Variants in MED13L observed in about 807,000 individuals in gnomAD.
The protein encoded by MED13L is mediator complex subunit 13L, also known as mediator of RNA polymerase II transcription subunit 13-like.
A neutral mutation model predicts 220.9 loss-of-function variants in MED13L; 7 were observed. The ratio of observed to expected loss-of-function variants is 0.03; its 90% CI spans 0.02 to 0.06. The LOEUF (loss-of-function observed/expected upper bound fraction) is 0.06. Among genes scored for constraint, MED13L ranks in the 10% least tolerant of loss-of-function variants. The probability of loss-of-function intolerance (pLI) is 1.00; values close to 1 mark genes in which losing one functional copy is unlikely to be tolerated. For synonymous variants in MED13L, 1,011 were observed against 1,015.2 expected (o/e 1.00, Z 0.08); for missense variants, 1,965 against 2,760.5 (o/e 0.71, Z 6.46).
intron 2 of MED13L, among the ~76,000 whole-genome samples, chr12:116,133,951 G>A (rs1383320990): frequency 1.3e-5 from 2 of 152,100 alleles, no homozygotes; most frequent in African/African-American, 2.4e-5. Flanking sequence ...AACACCTCCC[G>A]AGGCAATCAG....
Position 116,237,586 on chromosome 12 carries a change from C to G in MED13L, c.192G>C (p.Leu64=), listed in dbSNP as rs752853245. 1 of 1,614,064 alleles carries G rather than the reference C, an allele frequency of 6.2e-7. No individual in the cohort carries two copies. Among genetic ancestry groups the G allele is most frequent in the Admixed American group, 1.7e-5 (1 of 59,998 alleles). ...DPILLSFIRC[L]QANLLCVWRR... ...GCCATACACAAAGCAGGTTAGCTTG[C>G]AGACAGCGGATGAAACTTAACAGAA... Residue 64 remains leucine, a synonymous_variant, in exon 2 of 31, where the codon CTG becomes CTC. Transcript: ENST00000281928.
chr12:116,027,583 A>G (rs1264677541), intron 4 of MED13L, among the ~76,000 whole-genome samples: 1 of 152,188 alleles, frequency 6.6e-6, no homozygotes, highest in Admixed American at 6.5e-5. Context: ...GCAAGATCTG[A>G]GGAAGCCCTT....
chr12:115,987,430 A>G, intron 17 of MED13L, 142 bp from the exon 18 acceptor site: 1 of 721,592 alleles, frequency 1.4e-6, no homozygotes, highest in Non-Finnish European at 2.3e-6. Flanking sequence ...CTTAGGAGTC[A>G]GGAGGAAAGA....
chr12:116,142,617 G>C (rs61935821), intron 2 of MED13L, among the ~76,000 whole-genome samples: 19,688 of 152,112 alleles, frequency 0.13, 1,616 homozygotes, highest in South Asian at 0.2. Context: ...GAACCGGGGT[G>C]GCAGAGGTTG....
chr12:116,062,402 C>T (rs911633472), intron 4 of MED13L, among the ~76,000 whole-genome samples: 2 of 151,912 alleles, frequency 1.3e-5, no homozygotes, highest in Non-Finnish European at 2.9e-5. Flanking sequence ...AATCTGCCCA[C>T]CTCAACCTCC....
At chr12:116,228,928 T>C (rs1403483267) in intron 2 of MED13L, among the ~76,000 whole-genome samples, 2 of 152,144 alleles carry the variant, frequency 1.3e-5, no homozygotes, top group African/African-American at 2.4e-5. Context: ...ATCTTAATGA[T>C]CAACAACCTC....
chr12:115,970,016 T>C (rs1876472176), intron 27 of MED13L, among the ~76,000 whole-genome samples: 1 of 152,220 alleles, frequency 6.6e-6, no homozygotes, highest in African/African-American at 2.4e-5. Context: ...ATATAAAATT[T>C]GGTATCCTTT....
chr12:116,156,214 T>G (rs1313974741), intron 2 of MED13L, among the ~76,000 whole-genome samples: 1 of 151,972 alleles, frequency 6.6e-6, no homozygotes, highest in East Asian at 1.9e-4. Flanking sequence ...TTTGCAGTAG[T>G]ATAAATATCT....
chr12:115,991,997 G>T lies in MED13L; in HGVS notation c.2997-40C>A. ...GGCACCAAGTGAGGAAGGGCAGCAT[G>T]TCACAGATGCTGAACTAGACACATG... On this transcript the variant is annotated intron_variant, in intron 16 of 30. Coordinates refer to ENST00000281928, the MANE Select transcript of MED13L (RefSeq NM_015335.5). The surrounding 1 kb of genome is among the most constrained non-coding windows in gnomAD (Gnocchi z 7.7). The T allele has an allele frequency of 6.6e-7, 1 of 1,519,462 alleles. No individual in the cohort carries two copies. The highest frequency in any genetic ancestry group is 9.0e-7 in the Non-Finnish European group (1 of 1,113,284). 94.1% of individuals were successfully genotyped at this position (1,519,462 alleles called of 1,614,324 possible). A position where few individuals can be genotyped will look rare whatever the true frequency, so the allele number is the denominator to read the frequency against.
intron 2 of MED13L, among the ~76,000 whole-genome samples, chr12:116,201,843 C>T (rs1232326941): frequency 1.3e-5 from 2 of 152,008 alleles, no homozygotes; most frequent in Non-Finnish European, 2.9e-5. Context: ...CAATATAATA[C>T]AGTAAGAAAA....
chr12:116,220,678 AAC>A (rs1406402464), intron 2 of MED13L, among the ~76,000 whole-genome samples: 2 of 152,178 alleles, frequency 1.3e-5, no homozygotes, highest in Non-Finnish European at 2.9e-5. Context: ...CAGCCTAGGC[AAC>A]AGAGCGAGAC....
chr12:116,127,312 C>T (rs149129499), intron 2 of MED13L, among the ~76,000 whole-genome samples: 2,957 of 151,684 alleles, frequency 0.019, 56 homozygotes, highest in Non-Finnish European at 0.031. Flanking sequence ...TTTTCAATTC[C>T]GATTCAAAAA....
intron 1 of MED13L, among the ~76,000 whole-genome samples, chr12:116,239,731 T>G (rs192666325): frequency 1.7e-3 from 261 of 152,342 alleles, no homozygotes; most frequent in African/African-American, 6.1e-3. Flanking sequence ...TCATGATGAG[T>G]GCTACCACGT....
chr12:116,254,082 TAAAGAG>T (rs1435344695), intron 1 of MED13L, among the ~76,000 whole-genome samples: 4 of 151,856 alleles, frequency 2.6e-5, no homozygotes, highest in Admixed American at 2.6e-4. Flanking sequence ...AACTAAGAAT[TAAAGAG>T]AACTTTCTCA....
intron 1 of MED13L, among the ~76,000 whole-genome samples, chr12:116,250,025 T>TAAAAAAAAAAAAAAA (rs71095516): frequency 2.2e-4 from 9 of 40,444 alleles, no homozygotes; most frequent in East Asian, 8.8e-4. Context: ...CAGCATAAAC[T>TAAAAAAAAAAAAAAA]AAAAAAAAAA....
intron 2 of MED13L, among the ~76,000 whole-genome samples, chr12:116,113,503 A>AT (rs1874258499): frequency 2.0e-5 from 3 of 146,406 alleles, no homozygotes; most frequent in African/African-American, 7.5e-5. Context: ...TATATATATA[A>AT]AATTAGCCAG....
At position 115,980,846 on chromosome 12, in the gene MED13L, G is replaced by C; in HGVS notation, c.5268C>G (p.Cys1756Trp). The change falls in exon 23 of 31, where the codon TGC becomes TGG. Residue 1756 changes from cysteine (C) to tryptophan (W), a missense_variant. Cys to Trp is a radical substitution (Grantham distance 215). This residue lies in a region of MED13L where 510 missense variants were observed against 620.4 expected (regional missense o/e 0.82). Transcript: ENST00000281928. The part of the protein sequence containing the change: ...YLKSMAFSVY[C>W]QCRRPLPTQI... ...GTGTAGGCAGTGGTCGCCTGCACTG[G>C]CAGTACACTGAAAATGCCATGGACT... 6.2e-7 allele frequency: 1 copy of C among 1,602,280 alleles called. No homozygotes were observed. Among genetic ancestry groups the C allele is most frequent in the East Asian group, 2.2e-5 (1 of 44,528 alleles).
intron 2 of MED13L, among the ~76,000 whole-genome samples, chr12:116,182,992 T>C (rs2138230730): frequency 6.6e-6 from 1 of 152,302 alleles, no homozygotes; most frequent in Admixed American, 6.5e-5. Flanking sequence ...AGGCAGTGAA[T>C]GTTAATCAAA....
At chr12:116,187,615 G>A (rs1349185467) in intron 2 of MED13L, among the ~76,000 whole-genome samples, 1 of 152,058 alleles carries the variant, frequency 6.6e-6, no homozygotes, top group African/African-American at 2.4e-5. Context: ...TAATGTACAA[G>A]AGTATATCCT....
Sources: gnomAD v4.1 joint callset for allele counts (sites outside exome capture counted in the v4.1 genomes callset) on GRCh38, gnomAD v4.1.1 for gene constraint, gnomAD v4.1.1 regional missense constraint, Gnocchi (gnomAD v3.1) non-coding constraint, MANE v1.5 for transcripts, NCBI Gene and HGNC (gene_info 2026-07-23, HGNC 2026-07-21) for gene names.